Variants in ARHGEF10 observed in about 807,000 individuals in gnomAD.
The protein encoded by ARHGEF10 is Rho guanine nucleotide exchange factor (GEF) 10.
A neutral mutation model predicts 147.4 loss-of-function variants in ARHGEF10; 140 were observed. That is an observed-to-expected ratio of 0.95 (90% CI 0.83 to 1.09). The LOEUF (loss-of-function observed/expected upper bound fraction) is 1.09. Among genes scored for constraint, ARHGEF10 ranks in the 50% least tolerant of loss-of-function variants. The pLI is 0.00. For synonymous variants in ARHGEF10, 902 were observed against 695.8 expected (o/e 1.30, Z -4.67); for missense variants, 2,222 against 1,752.7 (o/e 1.27, Z -4.78).
chr8:1,893,737 T>G lies in ARHGEF10; in HGVS notation c.1260+91T>G, dbSNP rs567147916. The G allele has an allele frequency of 1.0e-4, 111 of 1,068,432 alleles. 2 individuals are homozygous for G. The East Asian group carries it at 2.5e-3, about 24-fold the overall frequency. 66.2% of individuals were successfully genotyped at this position (1,068,432 alleles called of 1,614,324 possible). ...GATCCATAAATGCAAAGCATATATG[T>G]TTATGAAACATAACATGCAAATTTG... On this transcript the variant is annotated intron_variant, in intron 12 of 28. Transcript: ENST00000349830.
At chr8:1,865,539 C>T (rs1366992155) in intron 5 of ARHGEF10, among the ~76,000 whole-genome samples, 4 of 151,984 alleles carry the variant, frequency 2.6e-5, no homozygotes, top group East Asian at 1.9e-4. Context: ...GGACACAGGG[C>T]GTCCCCCGGC....
At chr8:1,831,912 G>T (rs1359474031) in intron 1 of ARHGEF10, among the ~76,000 whole-genome samples, 1 of 152,200 alleles carries the variant, frequency 6.6e-6, no homozygotes, top group East Asian at 1.9e-4. Flanking sequence ...TGGCCGGGTG[G>T]AGTTGGATGG....
chr8:1,908,248 T>TTTTTTTTTTTG (rs1811062166), intron 17 of ARHGEF10, among the ~76,000 whole-genome samples: 1 of 129,630 alleles, frequency 7.7e-6, no homozygotes, highest in Non-Finnish European at 1.6e-5. Context: ...TTTTTTTTTT[T>TTTTTTTTTTTG]GAGAAAGAGT....
At chr8:1,880,257 G>T (rs969496380) in intron 9 of ARHGEF10, 93 bp downstream of exon 9, 1 of 869,784 alleles carries the variant, frequency 1.1e-6, no homozygotes, top group Admixed American at 1.8e-5. Flanking sequence ...TCTCAACAGC[G>T]GTTCTCAAAG....
intron 4 of ARHGEF10, among the ~76,000 whole-genome samples, chr8:1,862,974 A>G (rs938776806): frequency 7.9e-5 from 12 of 151,518 alleles, no homozygotes; most frequent in South Asian, 4.2e-4. Flanking sequence ...TAGTAGAGAC[A>G]GGGTTTCACC....
In ARHGEF10 at chr8:1,888,326, T is replaced by G. The variant is rs1808958451; in HGVS notation, c.1182+2619T>G. On this transcript the variant is annotated intron_variant, in intron 11 of 28. Transcript: ENST00000349830. Reference sequence around the variant, plus strand: ...GTTTGTGAGGATATGCTGAGTGGGATGTTGACTGTGAGGAGACACTGAGTG... The same window carrying G: ...GTTTGTGAGGATATGCTGAGTGGGAGGTTGACTGTGAGGAGACACTGAGTG... Among the ~76,000 whole-genome samples, 16 of 62,066 alleles carry G rather than the reference T, an allele frequency of 2.6e-4. 3 individuals are homozygous for G. The highest frequency in any genetic ancestry group is 7.9e-4 in the African/African-American group (12 of 15,274). The allele number at this position is 62,066 out of a possible 152,430, so 40.7% of individuals were successfully genotyped here.
intron 2 of ARHGEF10, among the ~76,000 whole-genome samples, chr8:1,844,741 G>A (rs1330540827): frequency 6.6e-6 from 1 of 152,088 alleles, no homozygotes; most frequent in Non-Finnish European, 1.5e-5. Flanking sequence ...GTGGATTGCT[G>A]GCATTCAGGC....
chr8:1,848,484 G>C (rs865871835), intron 2 of ARHGEF10, among the ~76,000 whole-genome samples: 1 of 152,224 alleles, frequency 6.6e-6, no homozygotes, highest in Non-Finnish European at 1.5e-5. Flanking sequence ...CAGGATGGGA[G>C]ATGTGCTGCG....
rs770687993 is a variant in ARHGEF10 at position 1,928,595 on chromosome 8, C to T, written c.2866C>T (p.Pro956Ser). The T allele has an allele frequency of 2.5e-6, 4 of 1,614,200 alleles. No homozygotes were observed. In the Admixed American group the frequency reaches 6.7e-5, roughly 27 times the overall value. The part of the protein sequence containing the change: ...EPGAPPDPET[P>S]AVRASDVPTI... Reference sequence around the variant, plus strand: ...TGGGGCACCCCCGGACCCCGAGACCCCGGCCGTGAGAGCTTCTGATGTCCC... The same window carrying T: ...TGGGGCACCCCCGGACCCCGAGACCTCGGCCGTGAGAGCTTCTGATGTCCC... Residue 956 changes from proline to serine, a missense_variant, in exon 24 of 29, where the codon CCG becomes TCG. Physicochemically the swap from Pro to Ser is moderately conservative, Grantham distance 74 (BLOSUM62 -1). Coordinates refer to ENST00000349830, the MANE Select transcript of ARHGEF10 (RefSeq NM_014629.4).
chr8:1,826,070 C>G, intron 1 of ARHGEF10: 1 of 1,584,690 alleles, frequency 6.3e-7, no homozygotes, highest in Non-Finnish European at 8.5e-7. Flanking sequence ...GCTTTAGCAG[C>G]CAACATCGGC....
intron 1 of ARHGEF10, among the ~76,000 whole-genome samples, chr8:1,831,736 G>C (rs1376161580): frequency 6.6e-6 from 1 of 152,236 alleles, no homozygotes; most frequent in Admixed American, 6.5e-5. Flanking sequence ...ACTGCTGTGC[G>C]GGTCGTGCAC....
chr8:1,955,881 G>A (rs573430871), intron 28 of ARHGEF10, among the ~76,000 whole-genome samples: 2 of 152,240 alleles, frequency 1.3e-5, no homozygotes, highest in Non-Finnish European at 2.9e-5. Context: ...GTGATGAGCG[G>A]GCCTGTCCCT....
intron 18 of ARHGEF10, among the ~76,000 whole-genome samples, chr8:1,912,598 G>A (rs1311383055): frequency 1.8e-5 from 2 of 114,140 alleles, no homozygotes; most frequent in East Asian, 1.9e-4. Flanking sequence ...CATGTGGATC[G>A]CGGGTTTGCT....
intron 16 of ARHGEF10, 87 bp from the exon 17 acceptor site, chr8:1,905,484 C>G (rs1039516682): frequency 1.3e-6 from 2 of 1,557,200 alleles, no homozygotes; most frequent in African/African-American, 2.7e-5. Context: ...AAAAGTCACC[C>G]TGAGACTCCA....
At chr8:1,901,937 C>T (rs1373227319) in intron 15 of ARHGEF10, among the ~76,000 whole-genome samples, 2 of 152,150 alleles carry the variant, frequency 1.3e-5, no homozygotes, top group South Asian at 4.1e-4. Flanking sequence ...TCCATGACTA[C>T]TAATATTCCT....
chr8:1,928,589 G>A lies in ARHGEF10; in HGVS notation c.2860G>A (p.Glu954Lys), dbSNP rs777419015. 106 of 1,614,090 alleles carry A rather than the reference G, an allele frequency of 6.6e-5. No individual in the cohort carries two copies. Among genetic ancestry groups the A allele is most frequent in the Middle Eastern group, 1.6e-4 (1 of 6,082 alleles). The change falls in exon 24 of 29, where the codon GAG becomes AAG. Residue 954 changes from glutamate to lysine, a missense_variant. By Grantham distance (56) the Glu-to-Lys change is moderately conservative. Transcript: ENST00000349830. ...AGAGCCTGGGGCACCCCCGGACCCC[G>A]AGACCCCGGCCGTGAGAGCTTCTGA... ...RREPGAPPDP[E>K]TPAVRASDVP...
intron 7 of ARHGEF10, 36 bp from the exon 8 acceptor site, chr8:1,876,522 CACATGGAATTCTA>C: frequency 6.4e-7 from 1 of 1,573,626 alleles, no homozygotes; most frequent in East Asian, 2.2e-5. Flanking sequence ...CAAAACAGCC[CACATGGAATTCTA>C]AAGTTTTAAT....
Position 1,905,706 on chromosome 8 carries a change from G to T in ARHGEF10, c.1957G>T (p.Val653Phe). The change falls in exon 17 of 29, where the codon GTC (valine) becomes TTC (phenylalanine). Residue 653 changes from valine (V) to phenylalanine (F), a missense_variant. Transcript: ENST00000349830. The stretch of plus-strand genomic sequence containing the variant: ...AAATGATGTGTTAATGTGTGCCACC[G>T]TCAGCTCACGGTAAGTGCATAAATT... ...MLNDVLMCAT[V>F]SSRPSHDSRV... The T allele has an allele frequency of 3.1e-6, 5 of 1,613,788 alleles. No homozygotes were observed. The highest frequency in any genetic ancestry group is 4.2e-6 in the Non-Finnish European group (5 of 1,180,030).
chr8:1,882,638 C>G lies in ARHGEF10; in HGVS notation c.964C>G (p.Gln322Glu). ...CACATCTCCCTCTCCGTCGCAGATG[C>G]AGAAGCTCGTGAAGGCCGCGAAGGA... is the stretch of plus-strand genomic sequence containing the variant. ...QLRQKHELKM[Q>E]KLVKAAKDGT... The change falls in exon 10 of 29, where the codon CAG becomes GAG. Residue 322 changes from glutamine (Q) to glutamate (E), a missense_variant. Gln to Glu is a conservative substitution (Grantham distance 29, BLOSUM62 2). Transcript: ENST00000349830. The G allele has an allele frequency of 1.9e-6, 3 of 1,553,088 alleles. No homozygotes were observed. The highest frequency in any genetic ancestry group is 1.2e-5 in the South Asian group (1 of 84,170).
Sources: allele counts gnomAD v4.1 joint callset (sites outside exome capture counted in the v4.1 genomes callset), GRCh38; gene constraint gnomAD v4.1.1; transcripts MANE v1.5; gene names NCBI Gene and HGNC (gene_info 2026-07-23, HGNC 2026-07-21).